The following CAMK2G variants were observed in gnomAD, a reference collection of about 807,000 sequenced individuals.
CAMK2G encodes the protein calcium/calmodulin-dependent protein kinase type II subunit gamma.
CAMK2G carries 23 observed loss-of-function variants against 88.7 expected under a neutral mutation model. That is an observed-to-expected ratio of 0.26 (90% CI 0.19 to 0.37). CAMK2G has a LOEUF of 0.37. Ranked by LOEUF, CAMK2G falls within the 10% of genes least tolerant of loss-of-function variation. The probability of loss-of-function intolerance (pLI) is 1.00; values close to 1 mark genes in which losing one functional copy is unlikely to be tolerated. For synonymous variants in CAMK2G, 263 were observed against 294.8 expected (o/e 0.89, Z 1.11); for missense variants, 476 against 780.8 (o/e 0.61, Z 4.65).
chr10:73,828,209 G>T, intron 14 of CAMK2G, 88 bp from the exon 15 acceptor site: 1 of 1,089,326 alleles, frequency 9.2e-7, no homozygotes. Context: ...GCGCACCAGT[G>T]TGGGCTCTGC....
At chr10:73,816,146 A>G in intron 21 of CAMK2G, 1 of 985,644 alleles carries the variant, frequency 1.0e-6, no homozygotes. Flanking sequence ...AGGGTCTCAT[A>G]GAGCAGAGAG....
At chr10:73,860,434 T>C (rs1296844409) in intron 3 of CAMK2G, among the ~76,000 whole-genome samples, 2 of 151,994 alleles carry the variant, frequency 1.3e-5, no homozygotes, top group Admixed American at 1.3e-4. Flanking sequence ...GGAACAAAAC[T>C]CTTTCAGGTC....
chr10:73,862,268 G>A (rs1169471336), intron 2 of CAMK2G, among the ~76,000 whole-genome samples: 2 of 139,822 alleles, frequency 1.4e-5, no homozygotes, highest in African/African-American at 5.5e-5. Context: ...TGCTCCTCTC[G>A]GTAGACTGTG....
At chr10:73,851,676 T>G (rs1020116162) in intron 5 of CAMK2G, among the ~76,000 whole-genome samples, 4 of 147,652 alleles carry the variant, frequency 2.7e-5, no homozygotes, top group African/African-American at 1.0e-4. Context: ...AAAAAAAAAG[T>G]ATTTCTGGGG....
intron 14 of CAMK2G, among the ~76,000 whole-genome samples, chr10:73,831,653 T>C (rs1032098754): frequency 3.3e-5 from 5 of 150,370 alleles, no homozygotes; most frequent in Non-Finnish European, 7.4e-5. Flanking sequence ...GCAGATCACC[T>C]GAGCTCAGGA....
chr10:73,828,257 G>A, intron 14 of CAMK2G, 136 bp from the exon 15 acceptor site: 1 of 716,642 alleles, frequency 1.4e-6, no homozygotes, highest in Non-Finnish European at 2.5e-6. Flanking sequence ...CCGGAGTCCA[G>A]CACCAGAGGG....
chr10:73,833,780 G>T (rs2092839550), intron 14 of CAMK2G, among the ~76,000 whole-genome samples: 1 of 151,236 alleles, frequency 6.6e-6, no homozygotes, highest in Admixed American at 6.6e-5. Flanking sequence ...TGTATTTTTA[G>T]TAGAGAGGGG....
chr10:73,862,599 G>A (rs1214226376), intron 2 of CAMK2G, among the ~76,000 whole-genome samples: 1 of 152,164 alleles, frequency 6.6e-6, no homozygotes, highest in Non-Finnish European at 1.5e-5. Flanking sequence ...GAGGAAACAG[G>A]TTTAAAAAGA....
intron 2 of CAMK2G, among the ~76,000 whole-genome samples, chr10:73,872,309 G>A (rs2095861854): frequency 6.6e-6 from 1 of 152,336 alleles, no homozygotes; most frequent in African/African-American, 2.4e-5. Flanking sequence ...CCTCAGACTC[G>A]GAGGCAGTGC....
chr10:73,861,386 C>T (rs572387021), intron 2 of CAMK2G, among the ~76,000 whole-genome samples: 3 of 152,286 alleles, frequency 2.0e-5, no homozygotes, highest in East Asian at 3.9e-4. Flanking sequence ...GACGGAGTCT[C>T]GTTCTGTTGC....
At chr10:73,865,154 T>C (rs1347870874) in intron 2 of CAMK2G, among the ~76,000 whole-genome samples, 1 of 152,332 alleles carries the variant, frequency 6.6e-6, no homozygotes, top group South Asian at 2.1e-4. Context: ...CCCAGGCAGA[T>C]GCAGGGTCTG....
intron 5 of CAMK2G, among the ~76,000 whole-genome samples, chr10:73,850,689 G>A (rs922438392): frequency 2.0e-5 from 3 of 152,234 alleles, no homozygotes; most frequent in Non-Finnish European, 2.9e-5. Flanking sequence ...GCATCCCAGT[G>A]TATGGGGCTG....
intron 1 of CAMK2G, chr10:73,873,589 A>C: frequency 4.3e-6 from 4 of 934,026 alleles, no homozygotes; most frequent in Non-Finnish European, 5.1e-6. Flanking sequence ...AGCCGGTTTC[A>C]TCTCACTGCA....
intron 19 of CAMK2G, chr10:73,818,237 T>G (rs1565159585): frequency 1.1e-5 from 2 of 185,296 alleles, no homozygotes; most frequent in African/African-American, 4.6e-5. Context: ...GCTGCACATT[T>G]CACACCAGCT....
At position 73,828,077 on chromosome 10, in the gene CAMK2G, G is replaced by C. The variant is rs1389044130; in HGVS notation, c.1086+12C>G. On this transcript the variant is annotated intron_variant, in intron 15 of 22. Coordinates refer to ENST00000423381, the MANE Select transcript of CAMK2G (RefSeq NM_001367534.1). ...GCATGGAGTGGGCGATGGGTGGGCA[G>C]GCAAGGCTCACCATTAGGTGCACGC... The C allele has an allele frequency of 6.2e-7, 1 of 1,611,370 alleles. No homozygotes were observed. Among genetic ancestry groups the C allele is most frequent in the East Asian group, 2.2e-5 (1 of 44,870 alleles).
At chr10:73,871,919 TA>T (rs2095846352) in intron 2 of CAMK2G, among the ~76,000 whole-genome samples, 1 of 152,150 alleles carries the variant, frequency 6.6e-6, no homozygotes, top group African/African-American at 2.4e-5. Flanking sequence ...GGACATCTAT[TA>T]TGTCTCTTAT....
chr10:73,818,709 G>A (rs1333516576), intron 19 of CAMK2G: 4 of 455,436 alleles, frequency 8.8e-6, no homozygotes, highest in Non-Finnish European at 1.8e-5. Context: ...CAAGGAGTTC[G>A]ATCGGCTTCC....
intron 12 of CAMK2G, among the ~76,000 whole-genome samples, chr10:73,841,680 C>T (rs769466390): frequency 1.3e-5 from 2 of 152,102 alleles, no homozygotes; most frequent in East Asian, 3.8e-4. Flanking sequence ...AAGCACAAGT[C>T]GCCACAAAAG....
chr10:73,842,823 G>A lies in CAMK2G; in HGVS notation c.820-282C>T, dbSNP rs548614862. Among the ~76,000 whole-genome samples the A allele has an allele frequency of 3.3e-4, 51 of 152,264 alleles. No homozygotes were observed. The highest frequency in any genetic ancestry group is 6.8e-3 in the Middle Eastern group (2 of 292). ...TCTTCCTTGGGAAACAGAGGCTACC[G>A]AACAGGAGAGTACCCTGGGGGCTGT... On this transcript the variant is annotated intron_variant, in intron 10 of 22. Transcript: ENST00000423381. This position sits in a 1 kb window ranked among gnomAD's most constrained non-coding sequence, Gnocchi z 4.6.
Sources: allele counts gnomAD v4.1 joint callset (sites outside exome capture counted in the v4.1 genomes callset), GRCh38; gene constraint gnomAD v4.1.1; non-coding constraint Gnocchi (gnomAD v3.1); transcripts MANE v1.5; gene names NCBI Gene and HGNC (gene_info 2026-07-23, HGNC 2026-07-21).